Variants in PTPRT observed in about 807,000 individuals in gnomAD.
The protein encoded by PTPRT is protein tyrosine phosphatase receptor type T.
PTPRT carries 56 observed loss-of-function variants against 176.8 expected under a neutral mutation model. The ratio of observed to expected loss-of-function variants is 0.32; its 90% CI spans 0.26 to 0.40. The LOEUF (loss-of-function observed/expected upper bound fraction) is 0.40, where lower values mean the gene tolerates loss of function less well. PTPRT is among the 10% of genes least tolerant of loss of function. PTPRT has a pLI of 1.00. For missense variants in PTPRT, 1,540 were observed against 1,908.2 expected (o/e 0.81, Z 3.60); for synonymous variants, 783 against 739.0 (o/e 1.06, Z -0.96).
intron 17 of PTPRT, among the ~76,000 whole-genome samples, chr20:42,143,439 C>A (rs1415327374): frequency 6.6e-6 from 1 of 152,114 alleles, no homozygotes; most frequent in South Asian, 2.1e-4. Flanking sequence ...TGCCTGTAGT[C>A]CTAGCTACTT....
chr20:42,552,744 G>A (rs1250339949), intron 7 of PTPRT, among the ~76,000 whole-genome samples: 1 of 152,076 alleles, frequency 6.6e-6, no homozygotes, highest in Non-Finnish European at 1.5e-5. Flanking sequence ...ACAAATCAAT[G>A]AGAAAACTAA....
In PTPRT at chr20:42,199,276, C is replaced by A; in HGVS notation, c.2455G>T (p.Gly819Cys). Residue 819 changes from glycine (G) to cysteine (C), a missense_variant, in exon 16 of 31, where the codon GGC becomes TGC. Gly to Cys is a radical substitution (Grantham distance 159). Transcript: ENST00000373187. ...ACGTCCTGAGAACTAGAAGAGAAGCCTTCATCATTGCGGCTGGCGCTGAGC... is the reference window on the plus strand; with the variant it reads ...ACGTCCTGAGAACTAGAAGAGAAGCATTCATCATTGCGGCTGGCGCTGAGC... ...TKLSASRNDEGFSSSSQDVNG... is the reference protein window; with the variant it reads ...TKLSASRNDECFSSSSQDVNG... 2 of 1,614,166 alleles carry A rather than the reference C, an allele frequency of 1.2e-6. No individual in the cohort carries two copies. The highest frequency in any genetic ancestry group is 8.5e-7 in the Non-Finnish European group (1 of 1,180,018).
chr20:42,981,376 T>C, intron 1 of PTPRT, among the ~76,000 whole-genome samples: 1 of 152,250 alleles, frequency 6.6e-6, no homozygotes, highest in East Asian at 1.9e-4. Context: ...GTTTGCAATA[T>C]CTACTTCCCT....
intron 6 of PTPRT, among the ~76,000 whole-genome samples, chr20:42,700,858 A>C (rs906760279): frequency 6.6e-6 from 1 of 152,168 alleles, no homozygotes; most frequent in Non-Finnish European, 1.5e-5. Flanking sequence ...AGTAAAATAA[A>C]AATCAATTAT....
chr20:42,524,355 C>A (rs1354063523), intron 7 of PTPRT, among the ~76,000 whole-genome samples: 1 of 152,124 alleles, frequency 6.6e-6, no homozygotes, highest in African/African-American at 2.4e-5. Context: ...GCAATTTACT[C>A]TTAGGTTTTG....
intron 6 of PTPRT, among the ~76,000 whole-genome samples, chr20:42,743,794 C>T (rs1206204305): frequency 6.6e-6 from 1 of 152,228 alleles, no homozygotes; most frequent in Non-Finnish European, 1.5e-5. Flanking sequence ...GAACCCACAG[C>T]CACCCCAACT....
At chr20:42,874,483 G>C (rs958201395) in intron 2 of PTPRT, among the ~76,000 whole-genome samples, 1 of 152,156 alleles carries the variant, frequency 6.6e-6, no homozygotes, top group Admixed American at 6.5e-5. Flanking sequence ...ACAATTTTAA[G>C]TGTACAGATG....
chr20:42,150,857 T>C (rs1462105694), intron 17 of PTPRT, among the ~76,000 whole-genome samples: 1 of 152,224 alleles, frequency 6.6e-6, no homozygotes, highest in Non-Finnish European at 1.5e-5. Flanking sequence ...ACTCTATTTA[T>C]TAAAACTCAT....
chr20:42,614,173 C>A (rs939540456), intron 7 of PTPRT, among the ~76,000 whole-genome samples: 2 of 152,104 alleles, frequency 1.3e-5, no homozygotes, highest in African/African-American at 4.8e-5. Flanking sequence ...GCAGAAGCAT[C>A]ACCCTGATCT....
At chr20:42,342,211 T>A (rs942371746) in intron 11 of PTPRT, among the ~76,000 whole-genome samples, 4 of 152,230 alleles carry the variant, frequency 2.6e-5, no homozygotes, top group Non-Finnish European at 5.9e-5. Context: ...ATGGTTGGCA[T>A]ATGTAGACTG....
Position 42,082,011 on chromosome 20 carries a change from C to T in PTPRT, c.4143G>A (p.Gly1381=). 1 of 1,614,200 alleles carries T rather than the reference C, an allele frequency of 6.2e-7. No individual in the cohort carries two copies. Among genetic ancestry groups the T allele is most frequent in the South Asian group, 1.1e-5 (1 of 91,078 alleles). Reference sequence around the variant, plus strand: ...CACAGAAGGTTCCACTACGGCCTCCCCCATTTCTAAACACAGAGCAAAGAG... The same window carrying T: ...CACAGAAGGTTCCACTACGGCCTCCTCCATTTCTAAACACAGAGCAAAGAG... ...EGRTVVHCLN[G]GGRSGTFCAI... Residue 1381 remains glycine, a synonymous_variant, in exon 30 of 31, where the codon GGG becomes GGA. Transcript: ENST00000373187.
intron 11 of PTPRT, among the ~76,000 whole-genome samples, chr20:42,335,768 T>C (rs1194047148): frequency 6.6e-6 from 1 of 152,142 alleles, no homozygotes; most frequent in Non-Finnish European, 1.5e-5. Flanking sequence ...AGGAAAAATG[T>C]ATGAATAGTT....
At chr20:42,117,083 G>C (rs1987324974) in intron 21 of PTPRT, among the ~76,000 whole-genome samples, 1 of 152,176 alleles carries the variant, frequency 6.6e-6, no homozygotes, top group African/African-American at 2.4e-5. Flanking sequence ...CGTCAGGGTA[G>C]GTACTCTACC....
At chr20:42,662,820 A>G (rs1304203345) in intron 7 of PTPRT, among the ~76,000 whole-genome samples, 1 of 107,924 alleles carries the variant, frequency 9.3e-6, no homozygotes, top group Non-Finnish European at 1.8e-5. Context: ...CAAAAATGTC[A>G]ATGATTCACT....
intron 6 of PTPRT, among the ~76,000 whole-genome samples, chr20:42,745,731 G>A (rs564378179): frequency 5.3e-5 from 8 of 152,248 alleles, no homozygotes; most frequent in East Asian, 1.9e-4. Context: ...TATCTGTCAC[G>A]GAATAATACA....
intron 1 of PTPRT, among the ~76,000 whole-genome samples, chr20:43,019,617 CAAA>C (rs539102745): frequency 1.2e-4 from 7 of 56,090 alleles, no homozygotes; most frequent in South Asian, 6.5e-4. Context: ...GACACCGTCT[CAAA>C]AAAAAAAAAA....
chr20:43,156,493 G>A (rs2014527291), intron 1 of PTPRT, among the ~76,000 whole-genome samples: 1 of 152,184 alleles, frequency 6.6e-6, no homozygotes, highest in African/African-American at 2.4e-5. Flanking sequence ...AGACTCAGGG[G>A]ATGACTAATT....
At chr20:42,034,137 G>A in the PTPRT span, among the ~76,000 whole-genome samples, 1 of 152,144 alleles carries the variant, frequency 6.6e-6, no homozygotes, top group Admixed American at 6.5e-5. Context: ...CTTTGCTTCA[G>A]GGCCTCTGCA....
At chr20:42,795,978 T>G (rs1201014359) in intron 2 of PTPRT, among the ~76,000 whole-genome samples, 1 of 152,250 alleles carries the variant, frequency 6.6e-6, no homozygotes, top group Non-Finnish European at 1.5e-5. Flanking sequence ...TATTGAGAAC[T>G]TATTATGTGC....
Sources: gnomAD v4.1 joint callset for allele counts (sites outside exome capture counted in the v4.1 genomes callset) on GRCh38, gnomAD v4.1.1 for gene constraint, MANE v1.5 for transcripts, NCBI Gene and HGNC (gene_info 2026-07-23, HGNC 2026-07-21) for gene names.